The following TUSC3 variants were observed in gnomAD, a reference collection of about 807,000 sequenced individuals.
The protein encoded by TUSC3 is dolichyl-diphosphooligosaccharide--protein glycosyltransferase subunit TUSC3.
A neutral mutation model predicts 44.8 loss-of-function variants in TUSC3; 45 were observed. That is an observed-to-expected ratio of 1.00 (90% confidence interval 0.79 to 1.29). The LOEUF (loss-of-function observed/expected upper bound fraction) is 1.29, where lower values mean the gene tolerates loss of function less well. Among genes scored for constraint, TUSC3 ranks in the 50% most tolerant of loss-of-function variants. The pLI, the probability that TUSC3 is intolerant of heterozygous loss-of-function variation, is 0.00. For missense variants in TUSC3, 519 were observed against 437.9 expected, an observed-to-expected ratio of 1.19 and a Z score of -1.65; for synonymous variants, 212 against 152.9, an observed-to-expected ratio of 1.39 and a Z score of -2.85.
At chr8:15,570,091 T>C (rs1802816400) in intron 1 of TUSC3, among the ~76,000 whole-genome samples, 1 of 152,110 alleles carries the variant, frequency 6.6e-6, no homozygotes, top group South Asian at 2.1e-4. Context: ...ATTCCCACAT[T>C]ATTACTACTC....
At chr8:15,663,920 C>T (rs1279440071) in intron 5 of TUSC3, among the ~76,000 whole-genome samples, 2 of 151,802 alleles carry the variant, frequency 1.3e-5, no homozygotes, top group Admixed American at 6.6e-5. Flanking sequence ...GAGTTAATGT[C>T]ATATCAAATC....
At chr8:15,573,689 C>A (rs1802978771) in intron 1 of TUSC3, among the ~76,000 whole-genome samples, 1 of 152,016 alleles carries the variant, frequency 6.6e-6, no homozygotes, top group African/African-American at 2.4e-5. Flanking sequence ...TAATTTTGCC[C>A]TGCAGGAGAT....
At chr8:15,480,714 G>A (rs1800646896) in intron 1 of TUSC3, among the ~76,000 whole-genome samples, 1 of 152,128 alleles carries the variant, frequency 6.6e-6, no homozygotes, top group Admixed American at 6.5e-5. Flanking sequence ...CTCTCTGAAT[G>A]TCCTAACCTC....
intron 1 of TUSC3, among the ~76,000 whole-genome samples, chr8:15,577,820 C>G (rs1803174942): frequency 6.7e-6 from 1 of 148,324 alleles, no homozygotes; most frequent in African/African-American, 2.5e-5. Flanking sequence ...TCCATATGAA[C>G]TTTAAAGTAG....
At chr8:15,592,105 G>C (rs144985130) in intron 1 of TUSC3, among the ~76,000 whole-genome samples, 72 of 152,254 alleles carry the variant, frequency 4.7e-4, no homozygotes, top group African/African-American at 1.7e-3. Context: ...TGTAGAAGAT[G>C]AGGAAGGAAG....
chr8:15,844,538 C>G, the TUSC3 span, among the ~76,000 whole-genome samples: 1 of 152,140 alleles, frequency 6.6e-6, no homozygotes, highest in South Asian at 2.1e-4. Context: ...AGAAAAAGAT[C>G]ACATGTCCAT....
chr8:15,804,011 C>A, the TUSC3 span, among the ~76,000 whole-genome samples: 1 of 152,102 alleles, frequency 6.6e-6, no homozygotes, highest in South Asian at 2.1e-4. Context: ...AATAAACATA[C>A]GTGTGCATGT....
intron 2 of TUSC3, among the ~76,000 whole-genome samples, chr8:15,494,706 T>C (rs183894432): frequency 1.3e-5 from 2 of 152,330 alleles, no homozygotes; most frequent in Admixed American, 6.5e-5. Flanking sequence ...AATGGAACAG[T>C]GTGGCATCAC....
chr8:15,462,627 G>A (rs1450005729), intron 1 of TUSC3, among the ~76,000 whole-genome samples: 1 of 152,068 alleles, frequency 6.6e-6, no homozygotes, highest in Non-Finnish European at 1.5e-5. Flanking sequence ...AAACCAAGAT[G>A]GTAGATCTTG....
chr8:15,522,055 T>A (rs1801306667), intron 2 of TUSC3, among the ~76,000 whole-genome samples: 2 of 152,190 alleles, frequency 1.3e-5, no homozygotes, highest in Non-Finnish European at 2.9e-5. Flanking sequence ...GATTCTTTCC[T>A]CAATGCTATG....
intron 6 of TUSC3, among the ~76,000 whole-genome samples, chr8:15,710,820 G>T (rs1051154555): frequency 6.8e-6 from 1 of 147,166 alleles, no homozygotes; most frequent in South Asian, 2.1e-4. Context: ...TGCATGAAGT[G>T]AATTTATAAA....
chr8:15,625,542 T>C (rs1322939328), intron 2 of TUSC3, among the ~76,000 whole-genome samples: 1 of 152,226 alleles, frequency 6.6e-6, no homozygotes, highest in Non-Finnish European at 1.5e-5. Context: ...AGTTTGTTTA[T>C]ATCTTCTTGG....
chr8:15,754,449 AG>A (rs1811837322), intron 9 of TUSC3, among the ~76,000 whole-genome samples: 2 of 152,168 alleles, frequency 1.3e-5, no homozygotes, highest in African/African-American at 4.8e-5. Context: ...CTGCTAGTAC[AG>A]ACACACATTC....
In TUSC3 at chr8:15,523,650, ATATATATATATATATGTGTG is replaced by A. The variant is rs1188656009; in HGVS notation, n.189+40169_189+40188del. Among the ~76,000 whole-genome samples the A allele has an allele frequency of 2.3e-3, 103 of 44,102 alleles. 1 individual carries two copies. Among genetic ancestry groups the A allele is most frequent in the African/African-American group, 9.4e-3 (94 of 9,982 alleles). The allele number at this position is 44,102 out of a possible 152,430, so 28.9% of individuals were successfully genotyped here. ...AAATCCTTTAAAAACATATATATAT[ATATATATATATATATGTGTG>A]TGTGTGTGTGTGTGTGTGTGTGTGT... On this transcript the variant is annotated intron_variant and non_coding_transcript_variant, in intron 2 of 5. Transcript: ENST00000503191.
chr8:15,732,666 G>A (rs1810773273), intron 7 of TUSC3, among the ~76,000 whole-genome samples: 1 of 152,072 alleles, frequency 6.6e-6, no homozygotes, highest in South Asian at 2.1e-4. Flanking sequence ...TTTTGAACCC[G>A]TTAAATTGTA....
At chr8:15,613,233 C>CT (rs35627633) in intron 1 of TUSC3, among the ~76,000 whole-genome samples, 41,867 of 146,174 alleles carry the variant, frequency 0.29, 5,992 homozygotes, top group Non-Finnish European at 0.31. Context: ...TCTTACAGTG[C>CT]TTTTTTTTTT....
chr8:15,524,238 G>C (rs958044808), intron 2 of TUSC3, among the ~76,000 whole-genome samples: 4 of 151,806 alleles, frequency 2.6e-5, no homozygotes, highest in Non-Finnish European at 5.9e-5. Context: ...GAGTTAATTT[G>C]CAGTTTTTAA....
At chr8:15,615,046 TATAG>T (rs953802434) in intron 1 of TUSC3, among the ~76,000 whole-genome samples, 8 of 151,360 alleles carry the variant, frequency 5.3e-5, no homozygotes, top group African/African-American at 1.9e-4. Flanking sequence ...TGGAAAACAG[TATAG>T]AGATTTCTTT....
chr8:15,775,707 C>CAT, the TUSC3 span, among the ~76,000 whole-genome samples: 3 of 144,256 alleles, frequency 2.1e-5, no homozygotes, highest in African/African-American at 5.1e-5. Context: ...CACATATATA[C>CAT]ATATATATAC....
Sources: allele counts gnomAD v4.1 joint callset (sites outside exome capture counted in the v4.1 genomes callset), GRCh38; gene constraint gnomAD v4.1.1; transcripts MANE v1.5; gene names NCBI Gene and HGNC (gene_info 2026-07-23, HGNC 2026-07-21).